The following ETV1 variants were observed in gnomAD, a reference collection of about 807,000 sequenced individuals.
ETV1 encodes the protein ETS translocation variant 1.
ETV1 carries 27 observed loss-of-function variants against 62.3 expected under a neutral mutation model. The ratio of observed to expected loss-of-function variants is 0.43; its 90% confidence interval spans 0.32 to 0.60. The LOEUF (loss-of-function observed/expected upper bound fraction) is 0.60, where lower values mean the gene tolerates loss of function less well. Among genes scored for constraint, ETV1 ranks in the 20% least tolerant of loss-of-function variants. The pLI, the probability that ETV1 is intolerant of heterozygous loss-of-function variation, is 0.06. For missense variants in ETV1, 605 were observed against 605.8 expected (o/e 1.00, Z 0.01); for synonymous variants, 222 against 199.6 (o/e 1.11, Z -0.94).
chr7:13,943,104 A>G (rs1787754011), intron 6 of ETV1, among the ~76,000 whole-genome samples: 1 of 152,228 alleles, frequency 6.6e-6, no homozygotes, highest in Non-Finnish European at 1.5e-5. Context: ...TTAACAAAAT[A>G]AGAATTGCAA....
rs549873539 is a variant in ETV1 at position 13,926,600 on chromosome 7, A to G, written c.802+4902T>C. On this transcript the variant is annotated intron_variant, in intron 9 of 13. Transcript: ENST00000430479. ...ACACTTCTTATGTGGGCATTTGACC[A>G]TAAGGGCATGAAAAAAAATATCATG... Among the ~76,000 whole-genome samples, 5 of 152,296 alleles carry G rather than the reference A, an allele frequency of 3.3e-5. No individual in the cohort carries two copies. In the South Asian group the frequency reaches 1.0e-3, roughly 32 times the overall value.
rs558677400 is a variant in ETV1, at chr7:13,973,592, C to T, written c.235+3835G>A. ...AATAAAATTAGCTGGTTATTATGAT[C>T]TAAACAATAGTCCTTCATGTCTGTG... On this transcript the variant is annotated intron_variant, in intron 6 of 13. Transcript: ENST00000430479. Among the ~76,000 whole-genome samples, 13 of 152,186 alleles carry T rather than the reference C, an allele frequency of 8.5e-5. No individual in the cohort carries two copies. In the South Asian group the frequency reaches 2.7e-3, roughly 32 times the overall value.
At chr7:13,983,664 TTG>T (rs1387979011) in intron 5 of ETV1, among the ~76,000 whole-genome samples, 1 of 151,528 alleles carries the variant, frequency 6.6e-6, no homozygotes, top group African/African-American at 2.4e-5. Flanking sequence ...AACATTAACT[TTG>T]CAGTTTTCTT....
chr7:13,985,636 A>T (rs371250998), intron 5 of ETV1: 2 of 159,986 alleles, frequency 1.3e-5, no homozygotes, highest in East Asian at 3.8e-4. Flanking sequence ...CAAAATTTGC[A>T]TGTTTCCCAT....
intron 6 of ETV1, among the ~76,000 whole-genome samples, chr7:13,941,429 A>G (rs1787491916): frequency 6.6e-6 from 1 of 152,240 alleles, no homozygotes; most frequent in African/African-American, 2.4e-5. Context: ...AAAGTGATGA[A>G]TAAGACTAGA....
rs547193774 is a variant in ETV1, at chr7:13,935,603, T to C, written c.554+105A>G. On this transcript the variant is annotated intron_variant, in intron 8 of 13. Coordinates refer to ENST00000430479, the MANE Select transcript of ETV1 (RefSeq NM_004956.5). ...AATATTTTGCACAGATGTGCAAAATTAATAGGCTCACCTTAAATCTACTCT... is the reference window on the plus strand; with the variant it reads ...AATATTTTGCACAGATGTGCAAAATCAATAGGCTCACCTTAAATCTACTCT... 1.0e-4 allele frequency: 96 copies of C among 926,520 alleles called. 1 individual carries two copies. The East Asian group carries it at 1.8e-3, about 17-fold the overall frequency. The allele number at this position is 926,520 out of a possible 1,614,324, so 57.4% of individuals were successfully genotyped here. A position where few individuals can be genotyped will look rare whatever the true frequency, so the allele number is the denominator to read the frequency against.
intron 6 of ETV1, among the ~76,000 whole-genome samples, chr7:13,958,020 C>A (rs74984495): frequency 0.045 from 6,812 of 152,226 alleles, 420 homozygotes; most frequent in African/African-American, 0.14. Context: ...ATAAAGCCTG[C>A]TTCTCCTCTT....
intron 9 of ETV1, among the ~76,000 whole-genome samples, chr7:13,926,817 T>G (rs1371083092): frequency 1.3e-5 from 2 of 152,130 alleles, no homozygotes; most frequent in Non-Finnish European, 2.9e-5. Flanking sequence ...AATATCTATT[T>G]CTTGTTTCCT....
intron 12 of ETV1, chr7:13,906,099 C>T: frequency 5.2e-6 from 1 of 192,596 alleles, no homozygotes; most frequent in Non-Finnish European, 1.0e-5. Context: ...CTCCTAAGGA[C>T]CATAAAACCT....
intron 6 of ETV1, among the ~76,000 whole-genome samples, chr7:13,968,467 A>G (rs1210581648): frequency 1.5e-4 from 22 of 151,530 alleles, no homozygotes; most frequent in Admixed American, 1.4e-3. Context: ...AGCATACTTT[A>G]CTAAAATCAA....
At chr7:13,957,915 G>A (rs1238432350) in intron 6 of ETV1, among the ~76,000 whole-genome samples, 1 of 152,194 alleles carries the variant, frequency 6.6e-6, no homozygotes, top group Non-Finnish European at 1.5e-5. Context: ...GATCACAACC[G>A]TGATAGGCCT....
At chr7:13,929,241 G>A (rs10272511) in intron 9 of ETV1, among the ~76,000 whole-genome samples, 7,504 of 152,108 alleles carry the variant, frequency 0.049, 269 homozygotes, top group African/African-American at 0.099. Flanking sequence ...GATACAAAAG[G>A]TTCTAAACTG....
At chr7:13,926,661 A>G (rs1177129801) in intron 9 of ETV1, among the ~76,000 whole-genome samples, 1 of 152,188 alleles carries the variant, frequency 6.6e-6, no homozygotes, top group East Asian at 1.9e-4. Flanking sequence ...CAACAACAAC[A>G]AAAAATGTGT....
intron 6 of ETV1, among the ~76,000 whole-genome samples, chr7:13,942,958 C>G (rs949573918): frequency 2.0e-5 from 3 of 151,612 alleles, no homozygotes; most frequent in Admixed American, 1.3e-4. Flanking sequence ...AAGCACTAAC[C>G]ATAAAAGAAA....
At position 13,920,318 on chromosome 7, in the gene ETV1, G is replaced by A. The variant is rs147535428; in HGVS notation, c.803-9011C>T. 5.1e-3 allele frequency among the ~76,000 whole-genome samples: 777 copies of A among 152,234 alleles called. 3 individuals are homozygous for A. Among genetic ancestry groups the A allele is most frequent in the Non-Finnish European group, 8.4e-3 (571 of 68,022 alleles). ...ACTGCAAGGCCATAAATAGTGTCAG[G>A]TTACTTGCAAGCAGGACCAATGAGC... is the stretch of plus-strand genomic sequence containing the variant. On this transcript the variant is annotated intron_variant, in intron 9 of 13. Coordinates refer to ENST00000430479, the MANE Select transcript of ETV1 (RefSeq NM_004956.5).
rs1790424869 is a variant in ETV1 at position 13,963,482 on chromosome 7, T to C, written c.235+13945A>G. ...GTGTGTTTTACTATATTCACAACCA[T>C]TGAAATTTTGCATTAAGGTTTTTGA... On this transcript the variant is annotated intron_variant, in intron 6 of 13. Transcript: ENST00000430479. Among the ~76,000 whole-genome samples, 7 of 151,622 alleles carry C rather than the reference T, an allele frequency of 4.6e-5. 1 individual carries two copies. The South Asian group carries it at 1.5e-3, about 32-fold the overall frequency.
intron 6 of ETV1, among the ~76,000 whole-genome samples, chr7:13,965,012 T>A (rs1025902945): frequency 2.0e-5 from 3 of 152,136 alleles, no homozygotes; most frequent in African/African-American, 7.2e-5. Context: ...CCATGAACAT[T>A]AGTAATACTC....
At chr7:13,921,660 G>C (rs189409100) in intron 9 of ETV1, among the ~76,000 whole-genome samples, 2 of 151,986 alleles carry the variant, frequency 1.3e-5, no homozygotes, top group Non-Finnish European at 2.9e-5. Flanking sequence ...ATTTATTATG[G>C]CATTATGACA....
intron 8 of ETV1, among the ~76,000 whole-genome samples, chr7:13,932,046 A>C (rs972206059): frequency 2.8e-5 from 4 of 145,354 alleles, no homozygotes; most frequent in Non-Finnish European, 4.6e-5. Context: ...TTACACACCC[A>C]CACACACACA....
Sources: allele counts gnomAD v4.1 joint callset (sites outside exome capture counted in the v4.1 genomes callset), GRCh38; gene constraint gnomAD v4.1.1; transcripts MANE v1.5; gene names NCBI Gene and HGNC (gene_info 2026-07-23, HGNC 2026-07-21).